The following CDC37L1 variants were observed in gnomAD, a reference collection of about 807,000 sequenced individuals.
The protein encoded by CDC37L1 is hsp90 co-chaperone Cdc37-like 1.
CDC37L1 carries 32 observed loss-of-function variants against 45.9 expected under a neutral mutation model. The ratio of observed to expected loss-of-function variants is 0.70; its 90% CI spans 0.53 to 0.94. The LOEUF (loss-of-function observed/expected upper bound fraction) is 0.94, where lower values mean the gene tolerates loss of function less well. CDC37L1 is among the 40% of genes least tolerant of loss of function. The pLI is 0.00. For missense variants in CDC37L1, 434 were observed against 405.7 expected, an observed-to-expected ratio of 1.07 and a Z score of -0.60; for synonymous variants, 150 against 133.0, an observed-to-expected ratio of 1.13 and a Z score of -0.88.
At chr9:4,699,428 C>G (rs1394406868) in intron 5 of CDC37L1, among the ~76,000 whole-genome samples, 2 of 152,100 alleles carry the variant, frequency 1.3e-5, no homozygotes, top group Non-Finnish European at 2.9e-5. Flanking sequence ...GATATTCAAC[C>G]TGTATATTCA....
chr9:4,704,389 G>A (rs1841424910), intron 6 of CDC37L1, among the ~76,000 whole-genome samples: 1 of 152,186 alleles, frequency 6.6e-6, no homozygotes, highest in African/African-American at 2.4e-5. Flanking sequence ...GTTACTAGAT[G>A]AAAATATGGG....
chr9:4,702,868 G>A (rs557031911), intron 6 of CDC37L1, among the ~76,000 whole-genome samples: 43 of 114,748 alleles, frequency 3.7e-4, no homozygotes, highest in South Asian at 3.0e-3. Context: ...CAGCCTGGGC[G>A]ACAGAGCAAG....
At chr9:4,687,317 C>A (rs925170093) in intron 2 of CDC37L1, among the ~76,000 whole-genome samples, 10 of 152,020 alleles carry the variant, frequency 6.6e-5, no homozygotes, top group Admixed American at 5.2e-4. Context: ...ATAAGTACTT[C>A]CTTAATAGAA....
intron 2 of CDC37L1, 25 bp downstream of exon 2, chr9:4,685,183 T>A: frequency 6.3e-7 from 1 of 1,584,798 alleles, no homozygotes; most frequent in Non-Finnish European, 8.6e-7. Flanking sequence ...TGGGCCATAA[T>A]GAAAGAAGAA....
chr9:4,679,953 C>A (rs1355931733), intron 1 of CDC37L1, 54 bp downstream of exon 1: 1 of 1,599,274 alleles, frequency 6.3e-7, no homozygotes, highest in East Asian at 2.2e-5. Flanking sequence ...TCGCCAAACC[C>A]CTGGAATGCC....
At chr9:4,691,239 G>A (rs920861019) in intron 3 of CDC37L1, among the ~76,000 whole-genome samples, 5 of 152,178 alleles carry the variant, frequency 3.3e-5, no homozygotes, top group African/African-American at 7.2e-5. Context: ...ATAGGTAAGC[G>A]TGTGTCTTGG....
At position 4,706,804 on chromosome 9, in the gene CDC37L1, A is replaced by C. The variant is rs897678679; in HGVS notation, c.*692A>C. On this transcript the variant is annotated 3_prime_UTR_variant, in exon 7 of 7. Transcript: ENST00000381854. ...GACTTTAAGAGTTATAATAATATCAAATGTGATGAGCTAATATAGATTTTC... is the reference window on the plus strand; with the variant it reads ...GACTTTAAGAGTTATAATAATATCACATGTGATGAGCTAATATAGATTTTC... 2 of 152,188 alleles carry C rather than the reference A, an allele frequency of 1.3e-5. No individual in the cohort carries two copies. Among genetic ancestry groups the C allele is most frequent in the African/African-American group, 4.8e-5 (2 of 41,450 alleles). 9.4% of individuals were successfully genotyped at this position (152,188 alleles called of 1,614,324 possible).
chr9:4,697,520 C>T (rs1227770557), intron 4 of CDC37L1, among the ~76,000 whole-genome samples: 1 of 151,656 alleles, frequency 6.6e-6, no homozygotes, highest in African/African-American at 2.4e-5. Context: ...TTTAAAAATC[C>T]AGACGGTAAT....
intron 3 of CDC37L1, among the ~76,000 whole-genome samples, chr9:4,694,639 G>A (rs1277519559): frequency 2.6e-5 from 4 of 152,088 alleles, no homozygotes; most frequent in Admixed American, 6.6e-5. Flanking sequence ...TTGGGAGGCC[G>A]AGGCAGGTGG....
chr9:4,702,979 G>T, intron 6 of CDC37L1: 1 of 1,112,596 alleles, frequency 9.0e-7, no homozygotes. Flanking sequence ...CCACTGGTCT[G>T]CCTGATGCTA....
At chr9:4,693,080 ATT>A (rs1841315872) in intron 3 of CDC37L1, among the ~76,000 whole-genome samples, 1 of 152,188 alleles carries the variant, frequency 6.6e-6, no homozygotes, top group African/African-American at 2.4e-5. Context: ...TCCTCAAGTA[ATT>A]CACAAACTAC....
chr9:4,701,593 T>G (rs1411765592), intron 5 of CDC37L1, among the ~76,000 whole-genome samples: 3 of 152,216 alleles, frequency 2.0e-5, no homozygotes, highest in Non-Finnish European at 2.9e-5. Flanking sequence ...AGCCTTCTTT[T>G]CTTTTAGTTG....
Position 4,684,314 on chromosome 9 carries a change from G to T in CDC37L1, c.133-563G>T, listed in dbSNP as rs116502576. ...TATATATATATAATTTGCCTATTTT[G>T]ATTAGGAATAAATTAAAGGATATCT... On this transcript the variant is annotated intron_variant, in intron 1 of 6. Coordinates refer to ENST00000381854, the MANE Select transcript of CDC37L1 (RefSeq NM_017913.4). Among the ~76,000 whole-genome samples, 1,067 of 152,122 alleles carry T rather than the reference G, an allele frequency of 7.0e-3. 13 individuals are homozygous for T. Among genetic ancestry groups the T allele is most frequent in the African/African-American group, 0.025 (1,017 of 41,492 alleles).
At chr9:4,684,127 T>C (rs942088797) in intron 1 of CDC37L1, among the ~76,000 whole-genome samples, 1 of 151,960 alleles carries the variant, frequency 6.6e-6, no homozygotes, top group Non-Finnish European at 1.5e-5. Context: ...CTACTAAAAA[T>C]ACAAAAATTA....
At chr9:4,688,986 T>C (rs1196738013) in intron 3 of CDC37L1, among the ~76,000 whole-genome samples, 1 of 152,168 alleles carries the variant, frequency 6.6e-6, no homozygotes, top group East Asian at 1.9e-4. Flanking sequence ...AGGTTTTGGA[T>C]ATGATGCTTT....
intron 3 of CDC37L1, 64 bp from the exon 4 acceptor site, chr9:4,697,032 A>T: frequency 6.9e-6 from 5 of 729,718 alleles, no homozygotes; most frequent in Non-Finnish European, 7.3e-6. Flanking sequence ...AATGGTTGGT[A>T]TTTCTTCCCT....
At chr9:4,692,272 GTTT>G (rs920971809) in intron 3 of CDC37L1, among the ~76,000 whole-genome samples, 1 of 142,840 alleles carries the variant, frequency 7.0e-6, no homozygotes. Context: ...TGATTTTAAT[GTTT>G]TTTTTTTTTT....
intron 3 of CDC37L1, among the ~76,000 whole-genome samples, chr9:4,691,362 C>T (rs535495592): frequency 6.6e-6 from 1 of 152,272 alleles, no homozygotes; most frequent in South Asian, 2.1e-4. Context: ...GTGTGTTGTT[C>T]CCCTTTATGT....
At chr9:4,692,888 T>C (rs1841314413) in intron 3 of CDC37L1, among the ~76,000 whole-genome samples, 1 of 152,182 alleles carries the variant, frequency 6.6e-6, no homozygotes, top group African/African-American at 2.4e-5. Context: ...ATTTCTAGAA[T>C]GCTTGATTTG....
Sources: allele counts gnomAD v4.1 joint callset (sites outside exome capture counted in the v4.1 genomes callset), GRCh38; gene constraint gnomAD v4.1.1; transcripts MANE v1.5; gene names NCBI Gene and HGNC (gene_info 2026-07-23, HGNC 2026-07-21).